STIM1: variants seen among roughly 807,000 people sequenced by gnomAD.
The protein encoded by STIM1 is stromal interaction molecule 1.
Under a neutral mutation model 74.7 loss-of-function variants are expected in STIM1, and 25 were observed. The ratio of observed to expected loss-of-function variants is 0.33; its 90% confidence interval spans 0.24 to 0.47. The LOEUF (loss-of-function observed/expected upper bound fraction) is 0.47, where lower values mean the gene tolerates loss of function less well. Among genes scored for constraint, STIM1 ranks in the 20% least tolerant of loss-of-function variants. STIM1 has a pLI of 1.00. For missense variants in STIM1, 728 were observed against 920.8 expected (o/e 0.79, Z 2.71); for synonymous variants, 328 against 348.8 (o/e 0.94, Z 0.66).
intron 1 of STIM1, among the ~76,000 whole-genome samples, chr11:3,892,090 T>C (rs2091912597): frequency 6.6e-6 from 1 of 152,264 alleles, no homozygotes; most frequent in African/African-American, 2.4e-5. Flanking sequence ...TTCAGAAATC[T>C]CTTCTTGATT....
intron 1 of STIM1, among the ~76,000 whole-genome samples, chr11:3,920,930 G>A (rs975662708): frequency 1.3e-5 from 2 of 151,200 alleles, no homozygotes; most frequent in Non-Finnish European, 3.0e-5. Context: ...CAAGTAGCTG[G>A]CATTATAGGC....
intron 4 of STIM1, among the ~76,000 whole-genome samples, chr11:4,057,870 A>G: frequency 7.2e-6 from 1 of 139,754 alleles, no homozygotes; most frequent in Non-Finnish European, 1.6e-5. Flanking sequence ...ACTCCGTCTC[A>G]AAAAAAAAAA....
chr11:4,039,765 T>C (rs1028008982), intron 3 of STIM1, among the ~76,000 whole-genome samples: 1 of 151,896 alleles, frequency 6.6e-6, no homozygotes, highest in Non-Finnish European at 1.5e-5. Flanking sequence ...GATGATATTT[T>C]ATTTTATTAT....
intron 1 of STIM1, among the ~76,000 whole-genome samples, chr11:3,899,359 T>A (rs1359878851): frequency 6.6e-6 from 1 of 152,220 alleles, no homozygotes; most frequent in Non-Finnish European, 1.5e-5. Flanking sequence ...TTTTTGTACA[T>A]TGATTTTGTA....
rs574991424 is a variant in STIM1 at position 3,868,482 on chromosome 11, T to C, written c.139+12073T>C. 6.6e-5 allele frequency among the ~76,000 whole-genome samples: 10 copies of C among 152,344 alleles called. No homozygotes were observed. In the East Asian group the frequency reaches 1.7e-3, roughly 26 times the overall value. ...AAGACCAAAATTGTTTCTATTTTTG[T>C]TTAATAACTTGGTGTGGGGTGGGGT... On this transcript the variant is annotated intron_variant, in intron 1 of 12. Transcript: ENST00000526596.
intron 7 of STIM1, among the ~76,000 whole-genome samples, chr11:4,078,369 G>A (rs565060283): frequency 2.6e-5 from 4 of 152,234 alleles, no homozygotes; most frequent in East Asian, 1.9e-4. Flanking sequence ...CTGCCACTTC[G>A]TAGGCTGTTT....
At chr11:4,005,103 G>A (rs1292636082) in intron 2 of STIM1, among the ~76,000 whole-genome samples, 1 of 152,158 alleles carries the variant, frequency 6.6e-6, no homozygotes, top group Non-Finnish European at 1.5e-5. Context: ...GAGAGGATGT[G>A]GAATAATAGG....
rs1357587934 is a variant in STIM1 at position 4,016,750 on chromosome 11, A to T, written c.271-7123A>T. Among the ~76,000 whole-genome samples, 3 of 152,102 alleles carry T rather than the reference A, an allele frequency of 2.0e-5. No individual in the cohort carries two copies. In the East Asian group the frequency reaches 5.8e-4, roughly 29 times the overall value. ...CACTTTATTTACACTGTGAGCATAGAACTGCCTACTCAAGCCTCAGCAATG... is the reference window on the plus strand; with the variant it reads ...CACTTTATTTACACTGTGAGCATAGTACTGCCTACTCAAGCCTCAGCAATG... On this transcript the variant is annotated intron_variant, in intron 2 of 12. Transcript: ENST00000526596.
At chr11:3,962,445 TTGTGTGTGTG>T (rs139472251) in intron 1 of STIM1, among the ~76,000 whole-genome samples, 1 of 147,622 alleles carries the variant, frequency 6.8e-6, no homozygotes, top group South Asian at 2.2e-4. Flanking sequence ...CTGAGTAGTA[TTGTGTGTGTG>T]TGTGTGTGTG....
intron 2 of STIM1, among the ~76,000 whole-genome samples, chr11:4,019,932 A>G (rs543383684): frequency 2.0e-5 from 3 of 152,072 alleles, no homozygotes; most frequent in South Asian, 2.1e-4. Context: ...CCACTGACCA[A>G]TCTCTCCCCA....
At chr11:3,883,951 A>T (rs6578416) in intron 1 of STIM1, among the ~76,000 whole-genome samples, 4,498 of 152,258 alleles carry the variant, frequency 0.03, 212 homozygotes, top group African/African-American at 0.099. Context: ...AAAGAATAAT[A>T]GTCCCTATTG....
At chr11:3,986,563 G>A (rs1043519162) in intron 2 of STIM1, among the ~76,000 whole-genome samples, 1 of 152,176 alleles carries the variant, frequency 6.6e-6, no homozygotes, top group Non-Finnish European at 1.5e-5. Context: ...CTGACTGAAG[G>A]TATGTCAGGA....
chr11:4,037,190 G>A (rs1015930985), intron 3 of STIM1, among the ~76,000 whole-genome samples: 1 of 152,026 alleles, frequency 6.6e-6, no homozygotes, highest in Non-Finnish European at 1.5e-5. Flanking sequence ...TGAGTAGCTG[G>A]AATTACAGGT....
chr11:3,962,397 G>A (rs1466387074), intron 1 of STIM1, among the ~76,000 whole-genome samples: 3 of 151,728 alleles, frequency 2.0e-5, no homozygotes, highest in East Asian at 1.9e-4. Context: ...TTCCATCCAC[G>A]TTGCTGCAAA....
intron 3 of STIM1, among the ~76,000 whole-genome samples, chr11:4,054,719 T>C (rs1374573530): frequency 6.6e-6 from 1 of 152,154 alleles, no homozygotes; most frequent in Non-Finnish European, 1.5e-5. Context: ...GCCAAAAAGG[T>C]TGGGGACTGC....
chr11:4,026,399 T>C (rs1022898134), intron 3 of STIM1, among the ~76,000 whole-genome samples: 1 of 152,260 alleles, frequency 6.6e-6, no homozygotes, highest in African/African-American at 2.4e-5. Flanking sequence ...GTATTTAATA[T>C]GTGCTAGGCA....
intron 1 of STIM1, among the ~76,000 whole-genome samples, chr11:3,945,435 A>G (rs1462860276): frequency 6.6e-6 from 1 of 152,042 alleles, no homozygotes; most frequent in African/African-American, 2.4e-5. Context: ...AAATAAAAAA[A>G]AAAAGAAAAG....
At chr11:4,012,410 T>G (rs1455009032) in intron 2 of STIM1, among the ~76,000 whole-genome samples, 1 of 152,208 alleles carries the variant, frequency 6.6e-6, no homozygotes, top group Non-Finnish European at 1.5e-5. Context: ...TGAGCAGTTG[T>G]TTGTAGTTCT....
At chr11:3,951,859 G>C (rs1391461789) in intron 1 of STIM1, among the ~76,000 whole-genome samples, 2 of 152,130 alleles carry the variant, frequency 1.3e-5, no homozygotes, top group African/African-American at 4.8e-5. Flanking sequence ...GAACGTTTGG[G>C]TCAGGCGCCA....
Sources: allele counts gnomAD v4.1 joint callset (sites outside exome capture counted in the v4.1 genomes callset), GRCh38; gene constraint gnomAD v4.1.1; transcripts MANE v1.5; gene names NCBI Gene and HGNC (gene_info 2026-07-23, HGNC 2026-07-21).